GPR158: variants seen among roughly 807,000 people sequenced by gnomAD.
GPR158 encodes G protein-coupled receptor 158, also known as metabotropic glycine receptor.
GPR158 carries 30 observed loss-of-function variants against 78.2 expected under a neutral mutation model. The ratio of observed to expected loss-of-function variants is 0.38; its 90% CI spans 0.29 to 0.52. GPR158 has a LOEUF of 0.52. GPR158 is among the 20% of genes least tolerant of loss of function. The pLI is 0.83. For synonymous variants in GPR158, 581 were observed against 591.1 expected, an observed-to-expected ratio of 0.98 and a Z score of 0.25; for missense variants, 1,463 against 1,523.5, an observed-to-expected ratio of 0.96 and a Z score of 0.66.
At chr10:25,471,128 G>GCC (rs1347198447) in intron 5 of GPR158, among the ~76,000 whole-genome samples, 1 of 139,768 alleles carries the variant, frequency 7.2e-6, no homozygotes, top group Non-Finnish European at 1.5e-5. Context: ...CCCATGACAG[G>GCC]CCCCGGTGTG....
chr10:25,312,072 G>T (rs540400908), intron 2 of GPR158, among the ~76,000 whole-genome samples: 3 of 152,090 alleles, frequency 2.0e-5, no homozygotes, highest in Admixed American at 2.0e-4. Context: ...GTTGGAAAAT[G>T]AGGATTTTTT....
At chr10:25,307,669 C>G (rs1203997103) in intron 2 of GPR158, among the ~76,000 whole-genome samples, 1 of 152,200 alleles carries the variant, frequency 6.6e-6, no homozygotes, top group Non-Finnish European at 1.5e-5. Flanking sequence ...GCCACCATAC[C>G]TGTCCCATTT....
intron 5 of GPR158, among the ~76,000 whole-genome samples, chr10:25,511,523 T>TA (rs772206858): frequency 4.8e-4 from 73 of 152,332 alleles, no homozygotes; most frequent in Admixed American, 1.1e-3. Context: ...TTTCTTTTGC[T>TA]ATGCAGAAGC....
chr10:25,252,132 A>C (rs1210877771), intron 2 of GPR158, among the ~76,000 whole-genome samples: 1 of 151,862 alleles, frequency 6.6e-6, no homozygotes, highest in African/African-American at 2.4e-5. Context: ...TGCATTCTTC[A>C]CATAGTTCTC....
chr10:25,254,197 G>A (rs1853861857), intron 2 of GPR158, among the ~76,000 whole-genome samples: 1 of 152,112 alleles, frequency 6.6e-6, no homozygotes. Context: ...GAAAATCAAG[G>A]CTGTCTTTAC....
intron 2 of GPR158, among the ~76,000 whole-genome samples, chr10:25,301,197 G>A (rs1048332754): frequency 3.3e-5 from 5 of 152,180 alleles, no homozygotes; most frequent in African/African-American, 1.2e-4. Context: ...GGGAAGAATT[G>A]TTCAGAAATA....
chr10:25,546,252 T>C (rs550755066), intron 5 of GPR158, among the ~76,000 whole-genome samples: 32 of 152,280 alleles, frequency 2.1e-4, no homozygotes, highest in South Asian at 1.5e-3. Flanking sequence ...AGCATTCTTT[T>C]ATTTTGTGCA....
chr10:25,405,035 G>T (rs1834494036), intron 3 of GPR158, among the ~76,000 whole-genome samples: 1 of 152,068 alleles, frequency 6.6e-6, no homozygotes, highest in South Asian at 2.1e-4. Flanking sequence ...ATCTAGACAA[G>T]TAACTCAGTC....
intron 2 of GPR158, among the ~76,000 whole-genome samples, chr10:25,257,201 C>A (rs1402181720): frequency 6.6e-6 from 1 of 152,156 alleles, no homozygotes; most frequent in Non-Finnish European, 1.5e-5. Flanking sequence ...GGGCTGAACT[C>A]ACCCTTTTTA....
intron 2 of GPR158, among the ~76,000 whole-genome samples, chr10:25,341,174 G>C (rs1224500598): frequency 6.6e-6 from 1 of 151,950 alleles, no homozygotes; most frequent in Non-Finnish European, 1.5e-5. Flanking sequence ...CATCAGAGCA[G>C]CACTAAAGAA....
chr10:25,315,246 C>G (rs796775894), intron 2 of GPR158, among the ~76,000 whole-genome samples: 15 of 152,110 alleles, frequency 9.9e-5, no homozygotes, highest in African/African-American at 3.4e-4. Context: ...GCTTTTATCT[C>G]TTCTTGCATA....
chr10:25,296,209 G>A lies in GPR158; in HGVS notation c.1008+75052G>A, dbSNP rs529983127. Reference sequence around the variant, plus strand: ...TATTTGTACACTATATCAGCCAATTGTTGGCTGCCCCTGGGATAGTGATAA... The same window carrying A: ...TATTTGTACACTATATCAGCCAATTATTGGCTGCCCCTGGGATAGTGATAA... On this transcript the variant is annotated intron_variant, in intron 2 of 10. Transcript: ENST00000376351. Among the ~76,000 whole-genome samples, 13 of 152,168 alleles carry A rather than the reference G, an allele frequency of 8.5e-5. No homozygotes were observed. The East Asian group carries it at 2.5e-3, about 29-fold the overall frequency.
intron 2 of GPR158, among the ~76,000 whole-genome samples, chr10:25,299,164 CATAG>C (rs140637149): frequency 0.085 from 12,890 of 152,132 alleles, 1,234 homozygotes; most frequent in African/African-American, 0.23. Context: ...CATGTTTTGA[CATAG>C]ATAGTAAAAT....
intron 5 of GPR158, among the ~76,000 whole-genome samples, chr10:25,495,281 A>G (rs1210018696): frequency 7.6e-6 from 1 of 131,486 alleles, no homozygotes; most frequent in African/African-American, 2.7e-5. Flanking sequence ...ATTTTAAGCT[A>G]TCATTCTTTT....
intron 5 of GPR158, among the ~76,000 whole-genome samples, chr10:25,497,138 T>A (rs1480423304): frequency 2.0e-5 from 3 of 151,832 alleles, no homozygotes; most frequent in Non-Finnish European, 4.4e-5. Flanking sequence ...AGAAGGGGAG[T>A]CAGATCTTGA....
In GPR158 at chr10:25,599,405, G is replaced by A. The variant is rs966878875; in HGVS notation, c.*131G>A. 3 of 719,814 alleles carry A rather than the reference G, an allele frequency of 4.2e-6. No individual in the cohort carries two copies. The highest frequency in any genetic ancestry group is 5.7e-5 in the Admixed American group (2 of 34,926). 44.6% of individuals were successfully genotyped at this position (719,814 alleles called of 1,614,324 possible). On this transcript the variant is annotated 3_prime_UTR_variant, in exon 11 of 11. Transcript: ENST00000376351. ...TGACAGATGGTGAGGTAAAGTCAAA[G>A]GCATGGGTAGAAGAGGACCAGGGGG...
chr10:25,417,786 G>C (rs549936393), intron 4 of GPR158, among the ~76,000 whole-genome samples: 1 of 152,282 alleles, frequency 6.6e-6, no homozygotes, highest in South Asian at 2.1e-4. Flanking sequence ...GACACCCTGA[G>C]GGAGGGCCAG....
chr10:25,572,997 C>T, intron 7 of GPR158, 110 bp downstream of exon 7: 1 of 709,970 alleles, frequency 1.4e-6, no homozygotes, highest in South Asian at 1.7e-5. Context: ...ACTAATCTCA[C>T]CTAATGTGAT....
intron 2 of GPR158, among the ~76,000 whole-genome samples, chr10:25,235,994 C>T (rs1252260723): frequency 6.6e-6 from 1 of 152,054 alleles, no homozygotes; most frequent in Non-Finnish European, 1.5e-5. Context: ...CTGCGCCTGG[C>T]CTGCACAGTA....
Sources: gnomAD v4.1 joint callset for allele counts (sites outside exome capture counted in the v4.1 genomes callset) on GRCh38, gnomAD v4.1.1 for gene constraint, MANE v1.5 for transcripts, NCBI Gene and HGNC (gene_info 2026-07-23, HGNC 2026-07-21) for gene names.